SH3KBP1: variants seen among roughly 807,000 people sequenced by gnomAD.
SH3KBP1 encodes the protein SH3 domain containing kinase binding protein 1.
SH3KBP1 carries 8 observed loss-of-function variants against 50.1 expected under a neutral mutation model. The observed-to-expected ratio is 0.16, with a 90% confidence interval of 0.09 to 0.29. The LOEUF (loss-of-function observed/expected upper bound fraction) is 0.29, where lower values mean the gene tolerates loss of function less well. SH3KBP1 is among the 10% of genes least tolerant of loss of function. The pLI, the probability that SH3KBP1 is intolerant of heterozygous loss-of-function variation, is 1.00. For synonymous variants in SH3KBP1, 227 were observed against 218.6 expected (o/e 1.04, Z -0.34); for missense variants, 377 against 535.2 (o/e 0.70, Z 2.92).
chrX:19,777,168 T>C (rs2066005704), intron 2 of SH3KBP1, among the ~76,000 whole-genome samples: 1 of 111,265 alleles, frequency 9.0e-6, no homozygotes, highest in Non-Finnish European at 1.9e-5. Flanking sequence ...GGAACCACAG[T>C]CCACTCCCCA....
intron 8 of SH3KBP1, among the ~76,000 whole-genome samples, chrX:19,626,702 G>A (rs1433684525): frequency 2.7e-5 from 3 of 110,714 alleles, no homozygotes; most frequent in African/African-American, 9.9e-5. Flanking sequence ...CAAGTAGCTG[G>A]AACTATAGGA....
At chrX:19,594,869 A>G (rs1484205179) in intron 10 of SH3KBP1, 80 bp downstream of exon 10, 2 of 774,694 alleles carry the variant, frequency 2.6e-6, no homozygotes, top group Non-Finnish European at 4.0e-6. Context: ...AGGAATCCCG[A>G]ACTCTACACT....
At chrX:19,582,678 G>T (rs1243681646) in intron 12 of SH3KBP1, among the ~76,000 whole-genome samples, 1 of 111,026 alleles carries the variant, frequency 9.0e-6, no homozygotes, top group Non-Finnish European at 1.9e-5. Context: ...CTTCATCCCA[G>T]ACCTTCTCCC....
At chrX:19,699,271 T>C (rs746165139) in intron 4 of SH3KBP1, among the ~76,000 whole-genome samples, 1 of 112,436 alleles carries the variant, frequency 8.9e-6, no homozygotes, top group African/African-American at 3.2e-5. Flanking sequence ...TTTCTATAGT[T>C]AAGAAAAGAA....
chrX:19,779,653 C>T (rs1344590368), intron 2 of SH3KBP1, among the ~76,000 whole-genome samples: 3 of 99,174 alleles, frequency 3.0e-5, no homozygotes, highest in Non-Finnish European at 4.0e-5. Flanking sequence ...GTTCAATTCC[C>T]ACCTATGAGT....
chrX:19,857,884 T>A (rs954490808), intron 1 of SH3KBP1, among the ~76,000 whole-genome samples: 13 of 110,269 alleles, frequency 1.2e-4, no homozygotes, highest in African/African-American at 2.0e-4. Context: ...TTCCTTTTTT[T>A]AAAAAGGAAA....
At chrX:19,618,398 A>AAAAAC (rs1556025616) in intron 8 of SH3KBP1, among the ~76,000 whole-genome samples, 6 of 107,214 alleles carry the variant, frequency 5.6e-5, no homozygotes, top group Admixed American at 3.0e-4. Flanking sequence ...AAAAAAAAAA[A>AAAAAC]AAAAAAAAAA....
At chrX:19,632,378 CA>C (rs1440085233) in intron 7 of SH3KBP1, among the ~76,000 whole-genome samples, 1 of 112,474 alleles carries the variant, frequency 8.9e-6, no homozygotes, top group Admixed American at 9.4e-5. Context: ...AAATTAGAAA[CA>C]AGGTATTTAT....
chrX:19,541,905 A>G lies in SH3KBP1; in HGVS notation c.1892+20T>C. ...GAGAGCAACCTGGGTGACGGCCCCC[A>G]AGAGTCCCCAGGCACTCACTTCTGC... On this transcript the variant is annotated intron_variant, in intron 16 of 17. Transcript: ENST00000397821. 8.4e-7 allele frequency: 1 copy of G among 1,192,652 alleles called. No individual in the cohort carries two copies. The highest frequency in any genetic ancestry group is 1.8e-5 in the South Asian group (1 of 54,056).
intron 12 of SH3KBP1, among the ~76,000 whole-genome samples, chrX:19,586,443 G>A (rs1387923140): frequency 8.9e-6 from 1 of 112,294 alleles, no homozygotes. Context: ...TTCCCCATTT[G>A]TATAGCTCGT....
chrX:19,772,043 G>T (rs2065805568), intron 2 of SH3KBP1, among the ~76,000 whole-genome samples: 1 of 110,297 alleles, frequency 9.1e-6, no homozygotes, highest in South Asian at 3.8e-4. Flanking sequence ...TATCTTTCTG[G>T]TTCCTGCCTG....
chrX:19,549,905 A>T, intron 14 of SH3KBP1, 69 bp downstream of exon 14: 1 of 811,280 alleles, frequency 1.2e-6, no homozygotes, highest in Non-Finnish European at 1.8e-6. Context: ...CCTTAGCTAG[A>T]GTTTCTAATC....
chrX:19,793,313 A>AAAAAAATAT (rs1418807395), intron 2 of SH3KBP1, among the ~76,000 whole-genome samples: 59 of 96,964 alleles, frequency 6.1e-4, no homozygotes, highest in African/African-American at 2.1e-3. Context: ...AGGAAAAAAA[A>AAAAAAATAT]ATATATATAT....
At chrX:19,628,557 C>T (rs755760068) in intron 8 of SH3KBP1, among the ~76,000 whole-genome samples, 5 of 111,380 alleles carry the variant, frequency 4.5e-5, no homozygotes, top group Non-Finnish European at 5.6e-5. Flanking sequence ...ACACCGCTTC[C>T]GGCAAACTGG....
Position 19,836,538 on chromosome X carries a change from G to A in SH3KBP1, c.5-256C>T, listed in dbSNP as rs186906864. 6.4e-3 allele frequency among the ~76,000 whole-genome samples: 717 copies of A among 111,686 alleles called. 11 individuals are homozygous for A. Among genetic ancestry groups the A allele is most frequent in the African/African-American group, 0.022 (684 of 30,705 alleles). ...TGGGGCCAGCAGGCGCTTCAGAGGG[G>A]AAGCTGCATGATGACAGCCAGATAA... On this transcript the variant is annotated intron_variant, in intron 1 of 17. Coordinates refer to ENST00000397821, the MANE Select transcript of SH3KBP1 (RefSeq NM_031892.3).
chrX:19,754,285 G>A (rs2065147113), intron 2 of SH3KBP1, among the ~76,000 whole-genome samples: 1 of 111,912 alleles, frequency 8.9e-6, no homozygotes, highest in African/African-American at 3.3e-5. Context: ...GTCCCAAAGA[G>A]ATAATGTTGC....
intron 13 of SH3KBP1, among the ~76,000 whole-genome samples, chrX:19,553,662 C>G (rs764416852): frequency 1.9e-5 from 2 of 105,132 alleles, no homozygotes; most frequent in East Asian, 6.0e-4. Context: ...GGCAGAATGG[C>G]CCATTCTGTT....
At chrX:19,832,885 G>C (rs924014125) in intron 2 of SH3KBP1, among the ~76,000 whole-genome samples, 14 of 112,147 alleles carry the variant, frequency 1.2e-4, no homozygotes, top group Admixed American at 3.8e-4. Flanking sequence ...CGCGTGGGCA[G>C]TTCCTACACT....
intron 5 of SH3KBP1, chrX:19,695,168 A>G: frequency 3.5e-6 from 2 of 564,952 alleles, no homozygotes; most frequent in Non-Finnish European, 5.8e-6. Context: ...GGGGATTGGC[A>G]TGCACTCATC....
Sources: allele counts gnomAD v4.1 joint callset (sites outside exome capture counted in the v4.1 genomes callset), GRCh38; gene constraint gnomAD v4.1.1; transcripts MANE v1.5; gene names NCBI Gene and HGNC (gene_info 2026-07-23, HGNC 2026-07-21).